CTNNA2: variants seen among roughly 807,000 people sequenced by gnomAD.
CTNNA2 encodes catenin alpha-2.
A neutral mutation model predicts 101.0 loss-of-function variants in CTNNA2; 42 were observed. The observed-to-expected ratio is 0.42, with a 90% confidence interval of 0.32 to 0.54. The LOEUF (loss-of-function observed/expected upper bound fraction) is 0.54. Among genes scored for constraint, CTNNA2 ranks in the 20% least tolerant of loss-of-function variants. The pLI is 0.14. For synonymous variants in CTNNA2, 450 were observed against 456.4 expected (o/e 0.99, Z 0.18); for missense variants, 871 against 1,223.1 (o/e 0.71, Z 4.29).
At chr2:80,517,094 A>G (rs779491637) in intron 9 of CTNNA2, among the ~76,000 whole-genome samples, 4 of 152,160 alleles carry the variant, frequency 2.6e-5, no homozygotes, top group Non-Finnish European at 5.9e-5. Flanking sequence ...AAAGAGATGG[A>G]TGGGAACATT....
At chr2:79,564,003 A>T (rs1241196160) in intron 1 of CTNNA2, among the ~76,000 whole-genome samples, 2 of 152,068 alleles carry the variant, frequency 1.3e-5, no homozygotes, top group African/African-American at 2.4e-5. Context: ...GTCTGACCTG[A>T]GGGCACCAAT....
chr2:80,110,315 A>G (rs1177371241), intron 7 of CTNNA2, among the ~76,000 whole-genome samples: 2 of 152,200 alleles, frequency 1.3e-5, no homozygotes, highest in Non-Finnish European at 2.9e-5. Context: ...TTCTGTTAAT[A>G]ATTATAAAGT....
chr2:79,911,800 A>G (rs560022905), intron 7 of CTNNA2, among the ~76,000 whole-genome samples: 7 of 152,360 alleles, frequency 4.6e-5, no homozygotes, highest in African/African-American at 1.7e-4. Flanking sequence ...TGTAAACTGT[A>G]TAACATTTAG....
At chr2:79,714,098 A>G (rs1452887168) in intron 2 of CTNNA2, among the ~76,000 whole-genome samples, 1 of 152,084 alleles carries the variant, frequency 6.6e-6, no homozygotes, top group Non-Finnish European at 1.5e-5. Context: ...GCTCTACTCT[A>G]GCATACAGCC....
At chr2:80,166,926 T>A (rs1167439420) in intron 7 of CTNNA2, among the ~76,000 whole-genome samples, 2 of 152,058 alleles carry the variant, frequency 1.3e-5, no homozygotes, top group Non-Finnish European at 2.9e-5. Flanking sequence ...TTTTTGTCTG[T>A]GCCGTCAGCT....
intron 2 of CTNNA2, among the ~76,000 whole-genome samples, chr2:79,663,284 C>A (rs1682169858): frequency 6.6e-6 from 1 of 152,160 alleles, no homozygotes; most frequent in South Asian, 2.1e-4. Context: ...TATTCGGCAA[C>A]CAGAGTGATC....
intron 7 of CTNNA2, among the ~76,000 whole-genome samples, chr2:79,959,004 T>C (rs189681029): frequency 6.6e-6 from 1 of 152,284 alleles, no homozygotes; most frequent in African/African-American, 2.4e-5. Flanking sequence ...CAAGGATGTA[T>C]TAATCAACAC....
At chr2:79,512,673 T>G (rs886761567), upstream of CTNNA2, among the ~76,000 whole-genome samples, 2 of 151,420 alleles carry the variant, frequency 1.3e-5, no homozygotes, top group African/African-American at 4.8e-5. Context: ...GCGGTTGTCA[T>G]GGACACGGCA....
chr2:79,348,478 A>G (rs542567089), intron 3 of CTNNA2, among the ~76,000 whole-genome samples: 9 of 152,318 alleles, frequency 5.9e-5, no homozygotes, highest in African/African-American at 2.2e-4. Flanking sequence ...AGAGTTATTC[A>G]TGACAACCAG....
At chr2:80,063,164 G>A (rs1697728257) in intron 7 of CTNNA2, among the ~76,000 whole-genome samples, 1 of 152,074 alleles carries the variant, frequency 6.6e-6, no homozygotes, top group Non-Finnish European at 1.5e-5. Context: ...CAGGCATTAT[G>A]CCTGTGAAAT....
intron 1 of CTNNA2, among the ~76,000 whole-genome samples, chr2:79,537,836 C>T (rs1343959055): frequency 6.6e-6 from 1 of 150,844 alleles, no homozygotes; most frequent in African/African-American, 2.4e-5. Context: ...ATACAACTTT[C>T]CTGGATACCA....
At chr2:79,565,979 C>T (rs1675088634) in intron 1 of CTNNA2, among the ~76,000 whole-genome samples, 1 of 151,978 alleles carries the variant, frequency 6.6e-6, no homozygotes, top group South Asian at 2.1e-4. Flanking sequence ...GCAGATGAAA[C>T]AGCCCGAAAA....
At chr2:79,857,389 T>G (rs1681221943) in intron 3 of CTNNA2, among the ~76,000 whole-genome samples, 3 of 152,258 alleles carry the variant, frequency 2.0e-5, no homozygotes, top group Non-Finnish European at 4.4e-5. Context: ...TAGTCAACTT[T>G]GTAATGGCAG....
rs530197358 is a variant in CTNNA2, at chr2:80,144,337, A to G, written c.1056+234540A>G. 7.2e-5 allele frequency among the ~76,000 whole-genome samples: 11 copies of G among 152,326 alleles called. No individual in the cohort carries two copies. The South Asian group carries it at 2.3e-3, about 32-fold the overall frequency. On this transcript the variant is annotated intron_variant, in intron 7 of 18. Coordinates refer to ENST00000402739, the MANE Select transcript of CTNNA2 (RefSeq NM_001282597.3). ...CAGCCTCCTCCTTAACAATACCAGA[A>G]GAAAGCTATAGAACTTGTGAGTTTA...
chr2:80,542,017 ACCCATTTCCCCAAC>A, intron 9 of CTNNA2, among the ~76,000 whole-genome samples: 1 of 151,478 alleles, frequency 6.6e-6, no homozygotes, highest in African/African-American at 2.4e-5. Flanking sequence ...CTACATTTCT[ACCCATTTCCCCAAC>A]CCCAGATAAT....
intron 3 of CTNNA2, among the ~76,000 whole-genome samples, chr2:79,758,524 G>T (rs575506201): frequency 6.6e-6 from 1 of 152,160 alleles, no homozygotes; most frequent in African/African-American, 2.4e-5. Context: ...TGAGATTTGG[G>T]ATACAATTAA....
intron 7 of CTNNA2, among the ~76,000 whole-genome samples, chr2:79,921,477 C>T (rs1686648586): frequency 1.3e-5 from 2 of 152,148 alleles, no homozygotes; most frequent in Admixed American, 6.5e-5. Context: ...ATGAGCAAAT[C>T]TTCACCAGCA....
At chr2:79,651,527 TA>T (rs748923719) in intron 1 of CTNNA2, 24 bp from the exon 2 acceptor site, 6 of 1,585,232 alleles carry the variant, frequency 3.8e-6, no homozygotes, top group Admixed American at 1.7e-5. Context: ...TGATTATTTC[TA>T]ACTGATTACA....
At chr2:79,823,253 T>G (rs1002740502) in intron 3 of CTNNA2, among the ~76,000 whole-genome samples, 1 of 152,194 alleles carries the variant, frequency 6.6e-6, no homozygotes, top group Admixed American at 6.5e-5. Flanking sequence ...TACCCAGGTA[T>G]AGGTTATAAG....
Sources: allele counts gnomAD v4.1 joint callset (sites outside exome capture counted in the v4.1 genomes callset), GRCh38; gene constraint gnomAD v4.1.1; transcripts MANE v1.5; gene names NCBI Gene and HGNC (gene_info 2026-07-23, HGNC 2026-07-21).